The following UGT1A9 variants were observed in gnomAD, a reference collection of about 807,000 sequenced individuals.
The protein encoded by UGT1A9 is UDP-glucuronosyltransferase 1A9.
Under a neutral mutation model 45.0 loss-of-function variants are expected in UGT1A9, and 35 were observed. The ratio of observed to expected loss-of-function variants is 0.78; its 90% CI spans 0.59 to 1.03. UGT1A9 has a LOEUF of 1.03. Ranked by LOEUF, UGT1A9 falls within the 50% of genes least tolerant of loss-of-function variation. The pLI is 0.00. For synonymous variants in UGT1A9, 278 were observed against 250.6 expected, an observed-to-expected ratio of 1.11 and a Z score of -1.03; for missense variants, 687 against 666.6, an observed-to-expected ratio of 1.03 and a Z score of -0.34.
chr2:233,685,003 T>TTG (rs772799143), intron 1 of UGT1A9, among the ~76,000 whole-genome samples: 9 of 152,162 alleles, frequency 5.9e-5, no homozygotes, highest in South Asian at 2.1e-4. Context: ...TATGTGGTGT[T>TTG]TGTGCACGTA....
intron 1 of UGT1A9, among the ~76,000 whole-genome samples, chr2:233,734,140 A>T (rs2078490993): frequency 1.3e-5 from 2 of 152,148 alleles, no homozygotes; most frequent in Admixed American, 1.3e-4. Context: ...TTTGGCTGTG[A>T]ATCCATCTGG....
At chr2:233,726,564 T>TA (rs1292410166) in intron 1 of UGT1A9, among the ~76,000 whole-genome samples, 1 of 152,188 alleles carries the variant, frequency 6.6e-6, no homozygotes, top group Non-Finnish European at 1.5e-5. Flanking sequence ...CTCCCACTCT[T>TA]ACGCCTGTCT....
chr2:233,747,901 C>G (rs1437655661), intron 1 of UGT1A9: 1 of 1,613,426 alleles, frequency 6.2e-7, no homozygotes, highest in Non-Finnish European at 8.5e-7. Flanking sequence ...CTTTCTGCTC[C>G]TTATGCAAGC....
chr2:233,768,235 G>T lies in UGT1A9; in HGVS notation c.1091G>T (p.Arg364Leu), dbSNP rs374047963. 32 of 1,614,018 alleles carry T rather than the reference G, an allele frequency of 2.0e-5. No homozygotes were observed. Among genetic ancestry groups the T allele is most frequent in the African/African-American group, 1.3e-5 (1 of 74,898 alleles). Residue 364 changes from arginine (R) to leucine (L), a missense_variant, in exon 4 of 5, where the codon CGT becomes CTT. Physicochemically the swap from Arg to Leu is moderately radical, Grantham distance 102. Transcript: ENST00000354728. ...QNDLLGHPMT[R>L]AFITHAGSHG... is the part of the protein sequence containing the mutation. ...TGCATCTCAGGTCACCCGATGACCC[G>T]TGCCTTTATCACCCATGCTGGTTCC...
chr2:233,715,359 CTT>C (rs892962742), intron 1 of UGT1A9, among the ~76,000 whole-genome samples: 5 of 150,138 alleles, frequency 3.3e-5, no homozygotes, highest in Non-Finnish European at 7.4e-5. Context: ...AGGTTTGAGA[CTT>C]ATATTTTCTT....
At chr2:233,743,990 CG>C in intron 1 of UGT1A9, 1 of 1,267,322 alleles carries the variant, frequency 7.9e-7, no homozygotes, top group Admixed American at 2.4e-5. Context: ...GGCGCAGGCC[CG>C]AGTGCTCGGA....
chr2:233,715,892 G>A (rs1284412629), intron 1 of UGT1A9, among the ~76,000 whole-genome samples: 1 of 152,180 alleles, frequency 6.6e-6, no homozygotes, highest in African/African-American at 2.4e-5. Context: ...CAGCTACTTG[G>A]GAGGCTCAGG....
At chr2:233,700,140 C>T (rs372188169) in intron 1 of UGT1A9, among the ~76,000 whole-genome samples, 9 of 152,174 alleles carry the variant, frequency 5.9e-5, no homozygotes, top group African/African-American at 2.2e-4. Flanking sequence ...AGCTGTTTGT[C>T]TCCCTATAGG....
At chr2:233,672,833 G>T in intron 1 of UGT1A9, 44 bp downstream of exon 1, 3 of 1,552,090 alleles carry the variant, frequency 1.9e-6, no homozygotes, top group Non-Finnish European at 1.7e-6. Context: ...CTTCACCTTT[G>T]GAAATTAAAA....
At chr2:233,733,659 C>T (rs1240175939) in intron 1 of UGT1A9, among the ~76,000 whole-genome samples, 3 of 152,202 alleles carry the variant, frequency 2.0e-5, no homozygotes, top group Non-Finnish European at 2.9e-5. Context: ...ATGAAGCCGA[C>T]TTGATCGATG....
At chr2:233,695,130 C>CTTTCTTTTT (rs1364557158) in intron 1 of UGT1A9, among the ~76,000 whole-genome samples, 39,526 of 138,334 alleles carry the variant, frequency 0.29, 6,081 homozygotes, top group South Asian at 0.37. Context: ...CTTTTCTTTT[C>CTTTCTTTTT]TTTTTTTTTT....
chr2:233,708,091 G>A (rs778957323), intron 1 of UGT1A9, among the ~76,000 whole-genome samples: 2 of 152,112 alleles, frequency 1.3e-5, no homozygotes, highest in Non-Finnish European at 2.9e-5. Context: ...TTATTCAAAC[G>A]AATTAGAATA....
intron 1 of UGT1A9, chr2:233,747,618 G>A (rs1433302665): frequency 1.3e-5 from 21 of 1,574,996 alleles, no homozygotes; most frequent in Middle Eastern, 1.7e-4. Flanking sequence ...GCATAATGAG[G>A]CCCTGATCAG....
chr2:233,704,582 A>G (rs1433849632), intron 1 of UGT1A9, among the ~76,000 whole-genome samples: 2 of 152,188 alleles, frequency 1.3e-5, no homozygotes, highest in African/African-American at 4.8e-5. Context: ...TTCAAGAATC[A>G]GAGAGAAGAA....
chr2:233,699,215 A>G (rs569821092), intron 1 of UGT1A9, among the ~76,000 whole-genome samples: 4 of 152,258 alleles, frequency 2.6e-5, no homozygotes, highest in South Asian at 2.1e-4. Context: ...TGCATGAAAA[A>G]AAAACAAAAA....
rs2074489627 is a variant in UGT1A9, at chr2:233,680,539, C to T, written c.855+7750C>T. On this transcript the variant is annotated intron_variant, in intron 1 of 4. Transcript: ENST00000354728. ...TGCCCTGAGGTTGGCTGTTGAATCC[C>T]TCACGAAATGCTCCTCAGTGTGTTG... is the stretch of plus-strand genomic sequence containing the variant. Among the ~76,000 whole-genome samples the T allele has an allele frequency of 2.0e-5, 3 of 152,162 alleles. No individual in the cohort carries two copies. In the South Asian group the frequency reaches 6.2e-4, roughly 32 times the overall value.
intron 1 of UGT1A9, chr2:233,747,525 C>A: frequency 6.2e-7 from 1 of 1,605,956 alleles, no homozygotes; most frequent in Non-Finnish European, 8.5e-7. Flanking sequence ...TGAAACAGAA[C>A]ATTTTCTGAA....
chr2:233,751,748 T>C (rs1261704160), intron 1 of UGT1A9, among the ~76,000 whole-genome samples: 3 of 152,220 alleles, frequency 2.0e-5, no homozygotes, highest in African/African-American at 7.2e-5. Flanking sequence ...TCTCTCTTGC[T>C]TGCTGCCATG....
Position 233,730,172 on chromosome 2 carries a change from A to T in UGT1A9, c.856-36862A>T, listed in dbSNP as rs45486905. On this transcript the variant is annotated intron_variant, in intron 1 of 4. Coordinates refer to ENST00000354728, the MANE Select transcript of UGT1A9 (RefSeq NM_021027.3). ...TAAGGGGTCTCTAGTAGCGTATTTCAGGTTTTAAATGGTCACTGAGAGGAA... is the reference window on the plus strand; with the variant it reads ...TAAGGGGTCTCTAGTAGCGTATTTCTGGTTTTAAATGGTCACTGAGAGGAA... Among the ~76,000 whole-genome samples the T allele has an allele frequency of 6.6e-5, 10 of 152,342 alleles. No homozygotes were observed. In the East Asian group the frequency reaches 1.9e-3, roughly 29 times the overall value.
Sources: allele counts gnomAD v4.1 joint callset (sites outside exome capture counted in the v4.1 genomes callset), GRCh38; gene constraint gnomAD v4.1.1; transcripts MANE v1.5; gene names NCBI Gene and HGNC (gene_info 2026-07-23, HGNC 2026-07-21).